RSU1: variants seen among roughly 807,000 people sequenced by gnomAD.
RSU1 encodes the protein rsu-1.
In RSU1, 26 loss-of-function variants were observed where a neutral mutation model predicts 31.1. The ratio of observed to expected loss-of-function variants is 0.84; its 90% confidence interval spans 0.61 to 1.16. RSU1 has a LOEUF of 1.16. RSU1 is among the 50% of genes most tolerant of loss of function. The pLI is 0.00. For missense variants in RSU1, 320 were observed against 339.1 expected (o/e 0.94, Z 0.44); for synonymous variants, 164 against 136.3 (o/e 1.20, Z -1.41).
intron 8 of RSU1, among the ~76,000 whole-genome samples, chr10:16,646,101 A>G (rs1444865526): frequency 1.4e-5 from 2 of 146,494 alleles, no homozygotes; most frequent in Non-Finnish European, 3.0e-5. Context: ...TACATATATA[A>G]ATGTGCATTC....
intron 8 of RSU1, among the ~76,000 whole-genome samples, chr10:16,653,607 A>C (rs185993351): frequency 2.6e-5 from 4 of 152,252 alleles, no homozygotes; most frequent in African/African-American, 9.6e-5. Context: ...TGTGCCTAAA[A>C]ATACATATAA....
chr10:16,686,437 T>C (rs1380501325), intron 8 of RSU1, among the ~76,000 whole-genome samples: 3 of 152,210 alleles, frequency 2.0e-5, no homozygotes, highest in African/African-American at 7.2e-5. Flanking sequence ...TAGTTCAATA[T>C]GATTATATCA....
intron 7 of RSU1, among the ~76,000 whole-genome samples, chr10:16,738,148 T>C (rs1371396379): frequency 2.0e-5 from 3 of 152,106 alleles, no homozygotes; most frequent in African/African-American, 7.2e-5. Context: ...TTGAAATGCT[T>C]ACACTAAAAA....
chr10:16,715,809 T>G (rs1006096621), intron 7 of RSU1, among the ~76,000 whole-genome samples: 2 of 152,222 alleles, frequency 1.3e-5, no homozygotes, highest in Non-Finnish European at 2.9e-5. Flanking sequence ...CATATGAACT[T>G]TAGGGTGGGA....
At chr10:16,667,847 T>C (rs947130965) in intron 8 of RSU1, among the ~76,000 whole-genome samples, 1 of 152,162 alleles carries the variant, frequency 6.6e-6, no homozygotes, top group Non-Finnish European at 1.5e-5. Flanking sequence ...GCCTGCCAGA[T>C]ATCAGGTACT....
In RSU1 at chr10:16,814,972, T is replaced by C. The variant is rs553773257; in HGVS notation, c.109+2001A>G. ...GCCGAAGGGTACAAAGCTCCTCTGC[T>C]GAAAGCAGCCTCTCTTCTACCTGGT... On this transcript the variant is annotated intron_variant, in intron 2 of 8. Coordinates refer to ENST00000345264, the MANE Select transcript of RSU1 (RefSeq NM_012425.4). Among the ~76,000 whole-genome samples the C allele has an allele frequency of 5.9e-5, 9 of 152,388 alleles. No homozygotes were observed. The South Asian group carries it at 6.2e-4, about 11-fold the overall frequency.
rs1481691803 is a variant in RSU1 at position 16,718,516 on chromosome 10, A to G, written c.599-23361T>C. Among the ~76,000 whole-genome samples the G allele has an allele frequency of 4.2e-4, 64 of 152,216 alleles. 1 individual carries two copies. Among genetic ancestry groups the G allele is most frequent in the Admixed American group, 4.2e-3 (64 of 15,276 alleles). ...AGTCTGACATCAACAAATGTGAACA[A>G]ATGGTGTCCTCTAATCTAATGGAGA... On this transcript the variant is annotated intron_variant, in intron 7 of 8. Coordinates refer to ENST00000345264, the MANE Select transcript of RSU1 (RefSeq NM_012425.4).
At chr10:16,672,642 A>G (rs532482285) in intron 8 of RSU1, among the ~76,000 whole-genome samples, 10 of 152,194 alleles carry the variant, frequency 6.6e-5, no homozygotes, top group Non-Finnish European at 1.5e-4. Flanking sequence ...TACACATTAT[A>G]TGTCTATATT....
intron 3 of RSU1, among the ~76,000 whole-genome samples, chr10:16,772,641 G>GAAAAAAAAAAAAAAAAA (rs60460081): frequency 5.7e-4 from 37 of 64,748 alleles, no homozygotes; most frequent in African/African-American, 1.5e-3. Context: ...AGTAGAATAT[G>GAAAAAAAAAAAAAAAAA]AAAAAAAAAA....
chr10:16,811,948 G>C lies in RSU1; in HGVS notation c.109+5025C>G, dbSNP rs1247416027. 2.6e-5 allele frequency among the ~76,000 whole-genome samples: 4 copies of C among 152,274 alleles called. 1 individual carries two copies. The South Asian group carries it at 8.3e-4, about 32-fold the overall frequency. The stretch of plus-strand genomic sequence containing the variant: ...TGGTGGGTCAGAACTGAGTATTCTC[G>C]AGGGGCCTCCTTGAGGAGGTCACAG... On this transcript the variant is annotated intron_variant, in intron 2 of 8. Transcript: ENST00000345264.
At chr10:16,792,098 T>G (rs1452583895) in intron 2 of RSU1, among the ~76,000 whole-genome samples, 1 of 152,166 alleles carries the variant, frequency 6.6e-6, no homozygotes, top group Non-Finnish European at 1.5e-5. Context: ...TGGGTGAGCA[T>G]TGGCCATCTT....
intron 8 of RSU1, among the ~76,000 whole-genome samples, chr10:16,691,518 T>C (rs7903839): frequency 0.017 from 2,624 of 151,462 alleles, 68 homozygotes; most frequent in African/African-American, 0.059. Flanking sequence ...AAAACTGAAA[T>C]ACACAAAGTA....
At chr10:16,718,409 T>C (rs150130132) in intron 7 of RSU1, among the ~76,000 whole-genome samples, 1 of 152,368 alleles carries the variant, frequency 6.6e-6, no homozygotes, top group Non-Finnish European at 1.5e-5. Context: ...TATACATTAT[T>C]TGTATTTATC....
chr10:16,695,017 A>T lies in RSU1; in HGVS notation c.731+6T>A. On this transcript the variant is annotated splice_donor_region_variant and intron_variant, in intron 8 of 8. Transcript: ENST00000345264. The stretch of plus-strand genomic sequence containing the variant: ...CTACTATTTCAGAAAATCAGAGTCT[A>T]CTTACTATTTGTATGTCTCAGAACG... 8.1e-6 allele frequency: 13 copies of T among 1,605,776 alleles called. No individual in the cohort carries two copies. Among genetic ancestry groups the T allele is most frequent in the Non-Finnish European group, 1.1e-5 (13 of 1,176,828 alleles).
At chr10:16,735,595 A>C (rs1268916697) in intron 7 of RSU1, among the ~76,000 whole-genome samples, 1 of 152,188 alleles carries the variant, frequency 6.6e-6, no homozygotes, top group Non-Finnish European at 1.5e-5. Flanking sequence ...ATAATTTATA[A>C]AGGGAAGAGG....
intron 8 of RSU1, among the ~76,000 whole-genome samples, chr10:16,624,156 C>T (rs545956278): frequency 1.9e-4 from 29 of 152,228 alleles, no homozygotes; most frequent in African/African-American, 7.0e-4. Context: ...GACCACTTCC[C>T]CGCCCTCTAG....
At chr10:16,725,054 C>G (rs2131594492) in intron 7 of RSU1, among the ~76,000 whole-genome samples, 1 of 152,308 alleles carries the variant, frequency 6.6e-6, no homozygotes, top group South Asian at 2.1e-4. Context: ...AGAGGAAACT[C>G]TGAAACTCCA....
At chr10:16,735,944 G>A (rs954039005) in intron 7 of RSU1, among the ~76,000 whole-genome samples, 1 of 152,074 alleles carries the variant, frequency 6.6e-6, no homozygotes, top group African/African-American at 2.4e-5. Flanking sequence ...CATGAGGGAA[G>A]GAAAATGAGT....
At chr10:16,702,009 CTT>C (rs1001903126) in intron 7 of RSU1, among the ~76,000 whole-genome samples, 2 of 152,196 alleles carry the variant, frequency 1.3e-5, no homozygotes, top group Non-Finnish European at 2.9e-5. Context: ...GGGAGGCAAT[CTT>C]GTTTTTCCTT....
Sources: gnomAD v4.1 joint callset for allele counts (sites outside exome capture counted in the v4.1 genomes callset) on GRCh38, gnomAD v4.1.1 for gene constraint, MANE v1.5 for transcripts, NCBI Gene and HGNC (gene_info 2026-07-23, HGNC 2026-07-21) for gene names.